SLC2A5: variants seen among roughly 807,000 people sequenced by gnomAD.
The protein encoded by SLC2A5 is solute carrier family 2, facilitated glucose transporter member 5.
Under a neutral mutation model 50.3 loss-of-function variants are expected in SLC2A5, and 56 were observed. That is an observed-to-expected ratio of 1.11 (90% confidence interval 0.90 to 1.39). The LOEUF (loss-of-function observed/expected upper bound fraction) is 1.39. SLC2A5 is among the 40% of genes most tolerant of loss of function. SLC2A5 has a pLI of 0.00. For synonymous variants in SLC2A5, 269 were observed against 281.9 expected (o/e 0.95, Z 0.46); for missense variants, 566 against 650.1 (o/e 0.87, Z 1.41).
At chr1:9,090,766 G>A (rs759713068), upstream of SLC2A5, among the ~76,000 whole-genome samples, 16 of 152,204 alleles carry the variant, frequency 1.1e-4, no homozygotes, top group South Asian at 4.1e-4. Context: ...TCCCCCAGGG[G>A]TTTAGGGACA....
chr1:9,038,486 T>C lies in SLC2A5; in HGVS notation c.1119A>G (p.Pro373=). The C allele has an allele frequency of 6.2e-7, 1 of 1,613,168 alleles. No individual in the cohort carries two copies. The highest frequency in any genetic ancestry group is 8.5e-7 in the Non-Finnish European group (1 of 1,179,424). ...LALQDTVSWM[P]YISIVCVISY... Reference sequence around the variant, plus strand: ...AGATGACACAGACGATGCTGATGTATGGCATCCAGGACACTGTGTCCTGTG... The same window carrying C: ...AGATGACACAGACGATGCTGATGTACGGCATCCAGGACACTGTGTCCTGTG... The change falls in exon 10 of 12, where the codon CCA becomes CCG. Residue 373 remains proline, a synonymous_variant. Coordinates refer to ENST00000377424, the MANE Select transcript of SLC2A5 (RefSeq NM_003039.3).
intron 3 of SLC2A5, 92 bp from the exon 4 acceptor site, chr1:9,047,826 A>C (rs1214338678): frequency 7.5e-7 from 1 of 1,333,376 alleles, no homozygotes; most frequent in South Asian, 1.3e-5. Flanking sequence ...CATAGGCTCC[A>C]GCAGTTACAG....
At chr1:9,051,809 G>T (rs185712490) in intron 3 of SLC2A5, among the ~76,000 whole-genome samples, 1 of 151,966 alleles carries the variant, frequency 6.6e-6, no homozygotes, top group African/African-American at 2.4e-5. Flanking sequence ...AGCTGAAAAC[G>T]TATATCTACA....
chr1:9,075,478 A>G (rs1362926561), intron 2 of SLC2A5, among the ~76,000 whole-genome samples: 1 of 152,042 alleles, frequency 6.6e-6, no homozygotes, highest in Non-Finnish European at 1.5e-5. Flanking sequence ...TAATAAATCT[A>G]TCTTTCTCTA....
chr1:9,079,113 C>G (rs532382327), intron 2 of SLC2A5, among the ~76,000 whole-genome samples: 1 of 152,274 alleles, frequency 6.6e-6, no homozygotes, highest in East Asian at 1.9e-4. Context: ...GAACCCAAGT[C>G]TGCAGGGAGG....
At chr1:9,081,948 G>C (rs1049520282) in intron 2 of SLC2A5, among the ~76,000 whole-genome samples, 2 of 152,036 alleles carry the variant, frequency 1.3e-5, no homozygotes, top group African/African-American at 4.8e-5. Context: ...CAGGTGTGTT[G>C]GTGCACACCT....
chr1:9,069,454 C>T (rs1171845635), intron 1 of SLC2A5, 50 bp downstream of exon 1: 1 of 1,605,946 alleles, frequency 6.2e-7, no homozygotes, highest in African/African-American at 1.3e-5. Context: ...CTGCACAGGC[C>T]CTGGCAGCCA....
intron 5 of SLC2A5, chr1:9,041,509 G>A: frequency 7.5e-7 from 1 of 1,339,350 alleles, no homozygotes; most frequent in Non-Finnish European, 9.5e-7. Context: ...CATATGGACA[G>A]CTGCTGAGCA....
intron 4 of SLC2A5, 70 bp downstream of exon 4, chr1:9,047,540 T>A: frequency 6.5e-7 from 1 of 1,540,958 alleles, no homozygotes; most frequent in Non-Finnish European, 8.9e-7. Context: ...TTGGTTCTAG[T>A]CCCTGGGAAC....
At position 9,041,458 on chromosome 1, in the gene SLC2A5, C is replaced by CCT. The variant is rs1641299678; in HGVS notation, c.571+325_571+326dup. 1.5e-6 allele frequency: 2 copies of CCT among 1,302,162 alleles called. 1 individual carries two copies. The highest frequency in any genetic ancestry group is 3.0e-5 in the African/African-American group (2 of 66,448). The allele number at this position is 1,302,162 out of a possible 1,614,324, so 80.7% of individuals were successfully genotyped here. A position where few individuals can be genotyped will look rare whatever the true frequency, so the allele number is the denominator to read the frequency against. ...TGCTGGGTCCGCCCCAAGCACAGAG[C>CCT]CTGGCACACTGGTGGCTGTCATTGC... On this transcript the variant is annotated intron_variant, in intron 5 of 11. Transcript: ENST00000377424.
upstream of SLC2A5, among the ~76,000 whole-genome samples, chr1:9,088,830 C>T (rs912301785): frequency 6.6e-6 from 1 of 152,104 alleles, no homozygotes; most frequent in African/African-American, 2.4e-5. Flanking sequence ...GCCAGTCAAG[C>T]CACTCCTGCC....
At chr1:9,044,043 C>A (rs1641377887) in intron 4 of SLC2A5, among the ~76,000 whole-genome samples, 1 of 151,328 alleles carries the variant, frequency 6.6e-6, no homozygotes, top group African/African-American at 2.4e-5. Context: ...GTTTAAATTC[C>A]TCCTGCTGGA....
upstream of SLC2A5, among the ~76,000 whole-genome samples, chr1:9,090,203 T>C (rs1043539875): frequency 1.3e-5 from 2 of 152,094 alleles, no homozygotes; most frequent in East Asian, 1.9e-4. Flanking sequence ...GCCACTCTTA[T>C]ATATTATTAT....
chr1:9,076,206 T>A lies in SLC2A5; in HGVS notation c.-58-6612A>T, dbSNP rs537509012. 1.4e-3 allele frequency among the ~76,000 whole-genome samples: 213 copies of A among 152,136 alleles called. 2 individuals carry two copies. The highest frequency in any genetic ancestry group is 4.9e-3 in the African/African-American group (204 of 41,506). ...CCTGACCTCAAATGATCTGACCGCC[T>A]CGGCCTCCCAAAGTGCTGGGATTAC... On this transcript the variant is annotated intron_variant, in intron 2 of 5. Transcript: ENST00000464985.
At chr1:9,060,119 TAC>T (rs150788744) in intron 1 of SLC2A5, among the ~76,000 whole-genome samples, 40,250 of 128,968 alleles carry the variant, frequency 0.31, 6,369 homozygotes, top group East Asian at 0.6. Flanking sequence ...ACACACACTA[TAC>T]ACACACACAA....
upstream of SLC2A5, among the ~76,000 whole-genome samples, chr1:9,070,422 G>A (rs1171607931): frequency 6.6e-6 from 1 of 151,990 alleles, no homozygotes; most frequent in Non-Finnish European, 1.5e-5. Context: ...ACCTAGGGAT[G>A]TTACTTTCTG....
chr1:9,080,368 AT>A (rs1295366205), intron 2 of SLC2A5, among the ~76,000 whole-genome samples: 1 of 152,004 alleles, frequency 6.6e-6, no homozygotes, highest in Non-Finnish European at 1.5e-5. Context: ...TCTATTTTTA[AT>A]TTTTTTTAGG....
At chr1:9,038,664 A>G (rs919332272) in intron 9 of SLC2A5, among the ~76,000 whole-genome samples, 158 bp from the exon 10 acceptor site, 14 of 152,314 alleles carry the variant, frequency 9.2e-5, no homozygotes, top group Non-Finnish European at 1.8e-4. Context: ...AACGTGGGCT[A>G]TGAGCTGGCA....
chr1:9,038,348 C>T (rs1641191172), intron 10 of SLC2A5, 83 bp downstream of exon 10: 1 of 1,022,128 alleles, frequency 9.8e-7, no homozygotes. Flanking sequence ...TTGGCCATCC[C>T]TGGTATCTCT....
Sources: gnomAD v4.1 joint callset for allele counts (sites outside exome capture counted in the v4.1 genomes callset) on GRCh38, gnomAD v4.1.1 for gene constraint, MANE v1.5 for transcripts, NCBI Gene and HGNC (gene_info 2026-07-23, HGNC 2026-07-21) for gene names.